The following SLC9C2 variants were observed in gnomAD, a reference collection of about 807,000 sequenced individuals.
SLC9C2 encodes sodium/hydrogen exchanger 11.
In SLC9C2, 75 loss-of-function variants were observed where a neutral mutation model predicts 140.2. That is an observed-to-expected ratio of 0.53 (90% CI 0.44 to 0.65). The LOEUF (loss-of-function observed/expected upper bound fraction) is 0.65. Among genes scored for constraint, SLC9C2 ranks in the 30% least tolerant of loss-of-function variants. The probability of loss-of-function intolerance (pLI) is 0.00; values close to 1 mark genes in which losing one functional copy is unlikely to be tolerated. For synonymous variants in SLC9C2, 375 were observed against 420.9 expected, an observed-to-expected ratio of 0.89 and a Z score of 1.34; for missense variants, 1,074 against 1,331.8, an observed-to-expected ratio of 0.81 and a Z score of 3.01.
At chr1:173,568,759 T>C (rs745545423) in intron 9 of SLC9C2, among the ~76,000 whole-genome samples, 1 of 152,196 alleles carries the variant, frequency 6.6e-6, no homozygotes, top group Non-Finnish European at 1.5e-5. Context: ...CCAGTAAGTC[T>C]GTGTCCTGAA....
chr1:173,550,910 A>AGAGAGAGAGAGAG (rs1663250391), intron 11 of SLC9C2, among the ~76,000 whole-genome samples: 2 of 47,730 alleles, frequency 4.2e-5, no homozygotes, highest in Non-Finnish European at 7.7e-5. Context: ...GAGAGAGAGA[A>AGAGAGAGAGAGAG]GGAAGGGAAG....
At position 173,601,765 on chromosome 1, in the gene SLC9C2, G is replaced by A; in HGVS notation, c.12C>T (p.Tyr4=). The change falls in exon 2 of 28, where the codon TAC becomes TAT. Residue 4 remains tyrosine (Y), a synonymous_variant. Transcript: ENST00000367714. Reference sequence around the variant, plus strand: ...TGTTACTTTCATTTTGTGCCCAGAAGTAAGAACTCATTTTTGCTGCTGCTT... The same window carrying A: ...TGTTACTTTCATTTTGTGCCCAGAAATAAGAACTCATTTTTGCTGCTGCTT... MSS[Y]FWAQNESNRP... is the part of the protein sequence containing the mutation. 6.2e-7 allele frequency: 1 copy of A among 1,613,844 alleles called. No homozygotes were observed. The highest frequency in any genetic ancestry group is 2.2e-5 in the East Asian group (1 of 44,856).
chr1:173,521,852 T>C (rs1157750097), intron 21 of SLC9C2, among the ~76,000 whole-genome samples: 3 of 128,216 alleles, frequency 2.3e-5, no homozygotes. Context: ...AATGGGATAA[T>C]TATGACAAAG....
chr1:173,577,413 CA>C (rs903129553), intron 7 of SLC9C2, among the ~76,000 whole-genome samples: 3 of 152,126 alleles, frequency 2.0e-5, no homozygotes, highest in African/African-American at 7.2e-5. Flanking sequence ...GGGCTCTAAA[CA>C]AATGTGTAAA....
intron 13 of SLC9C2, among the ~76,000 whole-genome samples, chr1:173,543,639 A>G (rs1211202484): frequency 6.6e-6 from 1 of 152,222 alleles, no homozygotes; most frequent in African/African-American, 2.4e-5. Flanking sequence ...ACAGCATGGT[A>G]CTGGTACCAA....
At chr1:173,518,383 T>C (rs947356125) in intron 22 of SLC9C2, among the ~76,000 whole-genome samples, 14 of 152,274 alleles carry the variant, frequency 9.2e-5, no homozygotes, top group African/African-American at 3.4e-4. Flanking sequence ...GAAATAACTT[T>C]TGATTGCATG....
chr1:173,583,616 GA>G lies in SLC9C2; in HGVS notation c.529del (p.Ser177LeufsTer13). The G allele has an allele frequency of 6.7e-7, 1 of 1,494,356 alleles. No homozygotes were observed. The highest frequency in any genetic ancestry group is 9.1e-7 in the Non-Finnish European group (1 of 1,098,978). 92.6% of individuals were successfully genotyped at this position (1,494,356 alleles called of 1,614,324 possible). A position where few individuals can be genotyped will look rare whatever the true frequency, so the allele number is the denominator to read the frequency against. ...SVNSLKTIGISKIYIDLIRGE... is the reference protein window; with the variant it reads ...SVNSLKTIGIXKIYIDLIRGE... ...TCTAATGAGATCAATGTATATTTTA[GA>G]AATGCCTGAAAAAGGAAATACAAAA... is the stretch of plus-strand genomic sequence containing the variant. On this transcript the variant is annotated frameshift_variant, in exon 6 of 28. Transcript: ENST00000367714. LOFTEE classifies it high-confidence loss of function.
chr1:173,536,300 A>G (rs1241796147), intron 14 of SLC9C2, among the ~76,000 whole-genome samples: 3 of 152,218 alleles, frequency 2.0e-5, no homozygotes, highest in Admixed American at 6.5e-5. Flanking sequence ...AGGGACTGGT[A>G]AAGATCTTCC....
intron 13 of SLC9C2, among the ~76,000 whole-genome samples, chr1:173,539,659 AAAG>A (rs2102018815): frequency 6.6e-6 from 1 of 152,300 alleles, no homozygotes; most frequent in African/African-American, 2.4e-5. Flanking sequence ...AGCTGGGACT[AAAG>A]AAGGAGAGAC....
intron 22 of SLC9C2, among the ~76,000 whole-genome samples, chr1:173,520,225 G>A (rs1407986428): frequency 6.6e-6 from 1 of 152,054 alleles, no homozygotes; most frequent in African/African-American, 2.4e-5. Flanking sequence ...ATGCCACCAT[G>A]CCCGGCTAAT....
At chr1:173,572,400 A>G (rs1664899401) in intron 9 of SLC9C2, among the ~76,000 whole-genome samples, 1 of 140,218 alleles carries the variant, frequency 7.1e-6, no homozygotes, top group African/African-American at 3.0e-5. Flanking sequence ...AGTTGCATGC[A>G]GTGCCTTGCG....
At chr1:173,599,029 A>C (rs1201971163) in intron 3 of SLC9C2, among the ~76,000 whole-genome samples, 1 of 152,256 alleles carries the variant, frequency 6.6e-6, no homozygotes, top group Non-Finnish European at 1.5e-5. Context: ...TATTATATGA[A>C]GCTATGAAGT....
At position 173,587,714 on chromosome 1, in the gene SLC9C2, G is replaced by T; in HGVS notation, c.474C>A (p.Thr158=). 6.2e-7 allele frequency: 1 copy of T among 1,613,438 alleles called. No homozygotes were observed. Among genetic ancestry groups the T allele is most frequent in the Non-Finnish European group, 8.5e-7 (1 of 1,179,700 alleles). ...AACGAAGAGGATCTATAATGCCAAG[G>T]GTGATGCTAAAGAGTAGGCAAGATT... ...DLQSCLLFSI[T]LGIIDPLRSV... is the part of the protein sequence containing the mutation. The change falls in exon 5 of 28, where the codon ACC becomes ACA. Residue 158 remains threonine (T), a synonymous_variant. Coordinates refer to ENST00000367714, the MANE Select transcript of SLC9C2 (RefSeq NM_178527.4).
At chr1:173,532,648 T>A (rs1466018800) in intron 17 of SLC9C2, among the ~76,000 whole-genome samples, 1 of 152,196 alleles carries the variant, frequency 6.6e-6, no homozygotes, top group Non-Finnish European at 1.5e-5. Flanking sequence ...GTATTTGGGT[T>A]ACCCTGCTTC....
At chr1:173,501,591 A>G (rs1405250681) in intron 27 of SLC9C2, among the ~76,000 whole-genome samples, 1 of 146,872 alleles carries the variant, frequency 6.8e-6, no homozygotes, top group South Asian at 2.1e-4. Flanking sequence ...GCTCACTGCA[A>G]CCTCCGCCTC....
intron 4 of SLC9C2, among the ~76,000 whole-genome samples, chr1:173,595,875 C>G (rs990329595): frequency 6.6e-6 from 1 of 152,126 alleles, no homozygotes; most frequent in Non-Finnish European, 1.5e-5. Flanking sequence ...CACACCACAA[C>G]TAAGAAACAA....
chr1:173,578,356 AAATGT>A (rs1384975857), intron 7 of SLC9C2, among the ~76,000 whole-genome samples: 8 of 152,234 alleles, frequency 5.3e-5, no homozygotes, highest in South Asian at 2.1e-4. Context: ...AACATGAAAG[AAATGT>A]AATATTAAAG....
chr1:173,581,508 T>C (rs904862488), intron 7 of SLC9C2, among the ~76,000 whole-genome samples: 1 of 152,198 alleles, frequency 6.6e-6, no homozygotes, highest in African/African-American at 2.4e-5. Context: ...CCTTCTCAGT[T>C]TGCAGATGGT....
Position 173,587,796 on chromosome 1 carries a change from G to C in SLC9C2, c.392C>G (p.Ala131Gly). The C allele has an allele frequency of 6.2e-7, 1 of 1,612,860 alleles. No homozygotes were observed. Among genetic ancestry groups the C allele is most frequent in the African/African-American group, 1.3e-5 (1 of 74,986 alleles). Residue 131 changes from alanine (A) to glycine (G), a missense_variant, in exon 5 of 28, where the codon GCA (alanine) becomes GGA (glycine). Transcript: ENST00000367714. ...AACGACATATCCAATTATGATGCTT[G>C]CTGTAGAAAAGCTAATTAATCCAGT... is the stretch of plus-strand genomic sequence containing the variant. Reference protein sequence around the residue: ...LLTGLISFSTASIIIGYVVIK... With the variant: ...LLTGLISFSTGSIIIGYVVIK...
Sources: allele counts gnomAD v4.1 joint callset (sites outside exome capture counted in the v4.1 genomes callset), GRCh38; gene constraint gnomAD v4.1.1; transcripts MANE v1.5; gene names NCBI Gene and HGNC (gene_info 2026-07-23, HGNC 2026-07-21).